Variants in SPATA16 observed in about 807,000 individuals in gnomAD.
SPATA16 encodes the protein spermatogenesis-associated protein 16.
SPATA16 carries 36 observed loss-of-function variants against 63.3 expected under a neutral mutation model. The observed-to-expected ratio is 0.57, with a 90% CI of 0.44 to 0.75. The LOEUF (loss-of-function observed/expected upper bound fraction) is 0.75, where lower values mean the gene tolerates loss of function less well. Among genes scored for constraint, SPATA16 ranks in the 30% least tolerant of loss-of-function variants. The pLI is 0.00. For synonymous variants in SPATA16, 203 were observed against 216.7 expected, an observed-to-expected ratio of 0.94 and a Z score of 0.56; for missense variants, 646 against 679.3, an observed-to-expected ratio of 0.95 and a Z score of 0.54.
chr3:172,913,553 A>G, intron 10 of SPATA16, 108 bp downstream of exon 10: 1 of 1,109,954 alleles, frequency 9.0e-7, no homozygotes, highest in Non-Finnish European at 1.3e-6. Context: ...AAAACAAAAA[A>G]ACAAACCAAA....
At chr3:173,017,155 G>A (rs556113694) in intron 4 of SPATA16, among the ~76,000 whole-genome samples, 1 of 152,052 alleles carries the variant, frequency 6.6e-6, no homozygotes, top group Non-Finnish European at 1.5e-5. Flanking sequence ...ACTGTATATT[G>A]AAGGCTATAA....
intron 1 of SPATA16, among the ~76,000 whole-genome samples, chr3:173,139,071 G>A (rs1356708873): frequency 1.3e-5 from 2 of 152,004 alleles, no homozygotes; most frequent in East Asian, 1.9e-4. Flanking sequence ...TTTCTTATTC[G>A]CAAAATGGAG....
At chr3:172,901,939 G>A (rs189631581) in intron 10 of SPATA16, among the ~76,000 whole-genome samples, 157 of 152,284 alleles carry the variant, frequency 1.0e-3, no homozygotes, top group African/African-American at 3.6e-3. Context: ...GGATGGGGAA[G>A]GAAAAGGGGA....
chr3:173,016,823 G>A (rs891993633), intron 4 of SPATA16, among the ~76,000 whole-genome samples: 2 of 152,114 alleles, frequency 1.3e-5, no homozygotes, highest in African/African-American at 4.8e-5. Flanking sequence ...AGACCAGCCT[G>A]GCCAACACGG....
Position 173,059,128 on chromosome 3 carries a change from C to T in SPATA16, c.613-10034G>A, listed in dbSNP as rs144124686. 2.8e-3 allele frequency among the ~76,000 whole-genome samples: 426 copies of T among 152,104 alleles called. 4 individuals carry two copies. The highest frequency in any genetic ancestry group is 9.5e-3 in the African/African-American group (396 of 41,530). ...CATCCCCTGGGGCTCATTCTTAGCA[C>T]TTTGTAGTTTTGTTTACTGTATTTC... On this transcript the variant is annotated intron_variant, in intron 2 of 10. Coordinates refer to ENST00000351008, the MANE Select transcript of SPATA16 (RefSeq NM_031955.6).
chr3:173,077,292 C>T (rs1736830311), intron 2 of SPATA16, among the ~76,000 whole-genome samples: 1 of 151,872 alleles, frequency 6.6e-6, no homozygotes, highest in South Asian at 2.1e-4. Context: ...TTCTTCTTCA[C>T]TTGAAAAATG....
chr3:173,119,682 G>C (rs1012894371), intron 1 of SPATA16, among the ~76,000 whole-genome samples: 1 of 152,188 alleles, frequency 6.6e-6, no homozygotes, highest in African/African-American at 2.4e-5. Flanking sequence ...AGCCTGTGTT[G>C]TGTTTAGTAT....
intron 4 of SPATA16, among the ~76,000 whole-genome samples, chr3:172,983,690 G>A (rs1734374157): frequency 6.6e-6 from 1 of 151,872 alleles, no homozygotes; most frequent in South Asian, 2.1e-4. Context: ...TAAAGATGAT[G>A]TTCTTATGGG....
chr3:173,062,204 C>A (rs768922530), intron 2 of SPATA16, among the ~76,000 whole-genome samples: 2 of 152,008 alleles, frequency 1.3e-5, no homozygotes, highest in African/African-American at 2.4e-5. Flanking sequence ...GTTTTTGTTT[C>A]AGAGACCACT....
intron 2 of SPATA16, among the ~76,000 whole-genome samples, chr3:173,106,524 T>C (rs1327954208): frequency 6.6e-6 from 1 of 152,196 alleles, no homozygotes; most frequent in Non-Finnish European, 1.5e-5. Flanking sequence ...AACTACTCAA[T>C]AAATATTTTT....
At chr3:173,010,472 T>TGTGTGTGTGTGTG (rs1281653533) in intron 4 of SPATA16, among the ~76,000 whole-genome samples, 3 of 103,692 alleles carry the variant, frequency 2.9e-5, no homozygotes, top group African/African-American at 9.7e-5. Flanking sequence ...GTGTGTGTGT[T>TGTGTGTGTGTGTG]TGTTTTTGTT....
intron 10 of SPATA16, among the ~76,000 whole-genome samples, chr3:172,904,984 C>T (rs369855208): frequency 1.3e-5 from 2 of 152,262 alleles, no homozygotes; most frequent in East Asian, 3.9e-4. Context: ...TCCCAGGAAC[C>T]TGGCCTCTTT....
At chr3:173,049,798 A>AT (rs1179517463) in intron 2 of SPATA16, among the ~76,000 whole-genome samples, 1 of 151,924 alleles carries the variant, frequency 6.6e-6, no homozygotes, top group Non-Finnish European at 1.5e-5. Flanking sequence ...AAAATAATTA[A>AT]TTTTTTTTGG....
intron 6 of SPATA16, among the ~76,000 whole-genome samples, chr3:172,934,125 T>C (rs1243250040): frequency 6.6e-6 from 1 of 152,104 alleles, no homozygotes; most frequent in African/African-American, 2.4e-5. Flanking sequence ...TAAATTATAA[T>C]TATTATTTTC....
chr3:173,107,454 TA>T lies in SPATA16; in HGVS notation c.612+9665del, dbSNP rs748107075. Among the ~76,000 whole-genome samples the T allele has an allele frequency of 6.0e-4, 83 of 139,086 alleles. No individual in the cohort carries two copies. In the Middle Eastern group the frequency reaches 0.011, roughly 18 times the overall value. 91.2% of individuals were successfully genotyped at this position (139,086 alleles called of 152,430 possible). On this transcript the variant is annotated intron_variant, in intron 2 of 10. Coordinates refer to ENST00000351008, the MANE Select transcript of SPATA16 (RefSeq NM_031955.6). ...AGTGTGATGAAAATCTCTCTCTCTCTATTTTTTTTTTTTTTTACTCCCTAAG... is the reference window on the plus strand; with the variant it reads ...AGTGTGATGAAAATCTCTCTCTCTCTTTTTTTTTTTTTTTTACTCCCTAAG...
In SPATA16 at chr3:172,951,496, TAA is replaced by T. The variant is rs58045759; in HGVS notation, c.1081+5179_1081+5180del. On this transcript the variant is annotated intron_variant, in intron 6 of 10. Transcript: ENST00000351008. ...AATGCGATTGGCTTATTTGATAATT[TAA>T]AAAAAAAAAAATTTAAACCTAAATA... Among the ~76,000 whole-genome samples, 559 of 148,518 alleles carry T rather than the reference TAA, an allele frequency of 3.8e-3. 1 individual carries two copies. The highest frequency in any genetic ancestry group is 0.014 in the Middle Eastern group (4 of 282).
At chr3:173,075,607 C>T (rs2108310057) in intron 2 of SPATA16, among the ~76,000 whole-genome samples, 1 of 152,146 alleles carries the variant, frequency 6.6e-6, no homozygotes, top group South Asian at 2.1e-4. Context: ...AAAATGAAAT[C>T]CTGTCACTTG....
chr3:173,092,729 G>A (rs187414570), intron 2 of SPATA16, among the ~76,000 whole-genome samples: 1 of 152,160 alleles, frequency 6.6e-6, no homozygotes, highest in Admixed American at 6.6e-5. Context: ...ATAATAAACT[G>A]TATTGTTTTA....
At chr3:172,982,300 G>A (rs1226332956) in intron 4 of SPATA16, among the ~76,000 whole-genome samples, 1 of 152,160 alleles carries the variant, frequency 6.6e-6, no homozygotes, top group Non-Finnish European at 1.5e-5. Flanking sequence ...GACAGAATGG[G>A]CTTTGTCAGT....
Sources: allele counts gnomAD v4.1 joint callset (sites outside exome capture counted in the v4.1 genomes callset), GRCh38; gene constraint gnomAD v4.1.1; transcripts MANE v1.5; gene names NCBI Gene and HGNC (gene_info 2026-07-23, HGNC 2026-07-21).